The following SGTA variants were observed in gnomAD, a reference collection of about 807,000 sequenced individuals.
SGTA encodes the protein small glutamine-rich tetratricopeptide repeat-containing protein alpha.
Under a neutral mutation model 44.3 loss-of-function variants are expected in SGTA, and 22 were observed. The observed-to-expected ratio is 0.50, with a 90% confidence interval of 0.36 to 0.71. The LOEUF (loss-of-function observed/expected upper bound fraction) is 0.71. Among genes scored for constraint, SGTA ranks in the 30% least tolerant of loss-of-function variants. The pLI is 0.00. For synonymous variants in SGTA, 174 were observed against 177.6 expected, an observed-to-expected ratio of 0.98 and a Z score of 0.16; for missense variants, 341 against 435.9, an observed-to-expected ratio of 0.78 and a Z score of 1.94.
Position 2,767,908 on chromosome 19 carries a change from C to G in SGTA, c.101-222G>C, listed in dbSNP as rs1229250123. Among the ~76,000 whole-genome samples, 1 of 152,176 alleles carries G rather than the reference C, an allele frequency of 6.6e-6. No homozygotes were observed. The highest frequency in any genetic ancestry group is 2.4e-5 in the African/African-American group (1 of 41,430). ...AGACGCCCCGTGCCCCTGAGAGCAG[C>G]AGAGGCCGTGGGCAGAGTGGAGCCC... On this transcript the variant is annotated intron_variant, in intron 2 of 11. Transcript: ENST00000221566. This position sits in a 1 kb window ranked among gnomAD's most constrained non-coding sequence, Gnocchi z 7.3.
Position 2,762,747 on chromosome 19 carries a change from C to T in SGTA, c.498-103G>A, listed in dbSNP as rs79089654. The T allele has an allele frequency of 9.5e-4, 1,298 of 1,372,488 alleles. 10 individuals carry two copies. In the African/African-American group the frequency reaches 0.016, roughly 17 times the overall value. 85.0% of individuals were successfully genotyped at this position (1,372,488 alleles called of 1,614,324 possible). A position where few individuals can be genotyped will look rare whatever the true frequency, so the allele number is the denominator to read the frequency against. On this transcript the variant is annotated intron_variant, in intron 6 of 11. Transcript: ENST00000221566. The stretch of plus-strand genomic sequence containing the variant: ...GGTCCTGGCAACCCCCAAACCACCT[C>T]GGATGGTGCCACCCCCTGCCCGCTG...
rs369595153 is a variant in SGTA, at chr19:2,763,552, T to A, written c.497+101A>T. ...GTTGAACTGAACCGGGGTGGGAGAA[T>A]TCGTTGTGGGTGGGAAAAAAGCCAC... On this transcript the variant is annotated intron_variant, in intron 6 of 11. Coordinates refer to ENST00000221566, the MANE Select transcript of SGTA (RefSeq NM_003021.4). This position sits in a 1 kb window ranked among gnomAD's most constrained non-coding sequence, Gnocchi z 5.8. 8.5e-5 allele frequency: 66 copies of A among 776,204 alleles called. No individual in the cohort carries two copies. In the East Asian group the frequency reaches 1.4e-3, roughly 16 times the overall value. 48.1% of individuals were successfully genotyped at this position (776,204 alleles called of 1,614,324 possible).
chr19:2,781,500 T>G (rs1476683887), intron 1 of SGTA, among the ~76,000 whole-genome samples: 1 of 152,110 alleles, frequency 6.6e-6, no homozygotes, highest in Non-Finnish European at 1.5e-5. Flanking sequence ...CTACAAACCT[T>G]CATTCACAAA....
intron 8 of SGTA, among the ~76,000 whole-genome samples, chr19:2,760,869 G>A (rs1599497488): frequency 1.3e-5 from 2 of 152,340 alleles, no homozygotes; most frequent in East Asian, 3.9e-4. Flanking sequence ...CCCTGAGGCT[G>A]TGGGAGCCTG....
Position 2,767,096 on chromosome 19 carries a change from G to A in SGTA, c.292+40C>T. Reference sequence around the variant, plus strand: ...AGGGTCCCACAGCCCCGGAGTCCAGGTAGGGCGAGGTGTCTGTGGGGATGG... The same window carrying A: ...AGGGTCCCACAGCCCCGGAGTCCAGATAGGGCGAGGTGTCTGTGGGGATGG... On this transcript the variant is annotated intron_variant, in intron 4 of 11. Transcript: ENST00000221566. The surrounding 1 kb of genome is among the most constrained non-coding windows in gnomAD (Gnocchi z 7.3). The A allele has an allele frequency of 6.8e-7, 1 of 1,470,084 alleles. No homozygotes were observed. Among genetic ancestry groups the A allele is most frequent in the Non-Finnish European group, 9.4e-7 (1 of 1,061,446 alleles). The allele number at this position is 1,470,084 out of a possible 1,614,324, so 91.1% of individuals were successfully genotyped here.
At position 2,767,523 on chromosome 19, in the gene SGTA, G is replaced by A. The variant is rs1032098491; in HGVS notation, c.207+57C>T. The A allele has an allele frequency of 1.5e-5, 21 of 1,423,088 alleles. No homozygotes were observed. In the Middle Eastern group the frequency reaches 7.0e-4, roughly 48 times the overall value. The allele number at this position is 1,423,088 out of a possible 1,614,324, so 88.2% of individuals were successfully genotyped here. ...CGGGGCTCCTGGGGTCCCCAGGGCT[G>A]CCTGCTGTTGCTGTTCTTATTTTGG... On this transcript the variant is annotated intron_variant, in intron 3 of 11. Transcript: ENST00000221566. The surrounding 1 kb of genome is among the most constrained non-coding windows in gnomAD (Gnocchi z 7.3).
chr19:2,756,259 G>A lies in SGTA; in HGVS notation c.*7-326C>T, dbSNP rs114598477. Among the ~76,000 whole-genome samples, 783 of 151,870 alleles carry A rather than the reference G, an allele frequency of 5.2e-3. 8 individuals are homozygous for A. The highest frequency in any genetic ancestry group is 0.018 in the African/African-American group (752 of 41,410). The stretch of plus-strand genomic sequence containing the variant: ...TAAAAGCTTATTTAAAAAAAAAAGG[G>A]AAGACTGGAAGAAAAGGCGGCCAAA... On this transcript the variant is annotated intron_variant, in intron 11 of 11. Coordinates refer to ENST00000221566, the MANE Select transcript of SGTA (RefSeq NM_003021.4).
chr19:2,775,102 G>A (rs1915414472), intron 1 of SGTA, among the ~76,000 whole-genome samples: 1 of 152,216 alleles, frequency 6.6e-6, no homozygotes, highest in Non-Finnish European at 1.5e-5. Context: ...GCCTGTGGGT[G>A]CACCAGGCCC....
chr19:2,767,487 G>A lies in SGTA; in HGVS notation c.207+93C>T. 1 of 1,043,548 alleles carries A rather than the reference G, an allele frequency of 9.6e-7. No homozygotes were observed. 64.6% of individuals were successfully genotyped at this position (1,043,548 alleles called of 1,614,324 possible). ...AGAGGATGCAGGCAGAGTGCTGGGG[G>A]ACGATGAGAGCGGGGCTCCTGGGGT... On this transcript the variant is annotated intron_variant, in intron 3 of 11. Coordinates refer to ENST00000221566, the MANE Select transcript of SGTA (RefSeq NM_003021.4). The surrounding 1 kb of genome is among the most constrained non-coding windows in gnomAD (Gnocchi z 7.3).
rs1271094881 is a variant in SGTA at position 2,767,551 on chromosome 19, G to A, written c.207+29C>T. The A allele has an allele frequency of 2.6e-6, 4 of 1,562,862 alleles. No individual in the cohort carries two copies. Among genetic ancestry groups the A allele is most frequent in the African/African-American group, 1.4e-5 (1 of 73,942 alleles). ...TGCTGTTGCTGTTCTTATTTTGGGG[G>A]CAGTGGCTGGGGAAGCATCGAGGCT... On this transcript the variant is annotated intron_variant, in intron 3 of 11. Coordinates refer to ENST00000221566, the MANE Select transcript of SGTA (RefSeq NM_003021.4). This position sits in a 1 kb window ranked among gnomAD's most constrained non-coding sequence, Gnocchi z 7.3.
At position 2,763,676 on chromosome 19, in the gene SGTA, G is replaced by A. The variant is rs1489387865; in HGVS notation, c.474C>T (p.Tyr158=). 1.9e-6 allele frequency: 3 copies of A among 1,613,460 alleles called. No homozygotes were observed. The highest frequency in any genetic ancestry group is 1.7e-6 in the Non-Finnish European group (2 of 1,179,748). The part of the protein sequence containing the change: ...CERAICIDPA[Y]SKAYGRMGLA... The stretch of plus-strand genomic sequence containing the variant: ...ACCCCATCCTGCCGTAGGCCTTGCT[G>A]TAGGCCGGGTCAATGCAGATGGCCC... Residue 158 remains tyrosine (Y), a synonymous_variant, in exon 6 of 12, where the codon TAC becomes TAT. Coordinates refer to ENST00000221566, the MANE Select transcript of SGTA (RefSeq NM_003021.4). The surrounding 1 kb of genome is among the most constrained non-coding windows in gnomAD (Gnocchi z 5.8).
chr19:2,776,238 T>C (rs1009325850), intron 1 of SGTA, among the ~76,000 whole-genome samples: 14 of 152,232 alleles, frequency 9.2e-5, no homozygotes, highest in African/African-American at 2.7e-4. Context: ...ACGGAGTTTC[T>C]TTTGTTTTAT....
In SGTA at chr19:2,762,549, T is replaced by C; in HGVS notation, c.593A>G (p.Asn198Ser). The C allele has an allele frequency of 6.2e-7, 1 of 1,614,082 alleles. No individual in the cohort carries two copies. The highest frequency in any genetic ancestry group is 8.5e-7 in the Non-Finnish European group (1 of 1,179,988). The change falls in exon 7 of 12, where the codon AAC (asparagine) becomes AGC (serine). Residue 198 changes from asparagine to serine, a missense_variant. Asn to Ser is a conservative substitution (Grantham distance 46). Transcript: ENST00000221566. Reference sequence around the variant, plus strand: ...CAGCTTCAGCTCCGCTATCTTGAGGTTGGACTTGTATGTCTCGTTGTCGGG... The same window carrying C: ...CAGCTTCAGCTCCGCTATCTTGAGGCTGGACTTGTATGTCTCGTTGTCGGG... ...LDPDNETYKS[N>S]LKIAELKLRE...
In SGTA at chr19:2,757,367, G is replaced by T. The variant is rs2144717672; in HGVS notation, c.918C>A (p.Ala306=). The T allele has an allele frequency of 1.2e-6, 2 of 1,604,828 alleles. No homozygotes were observed. The highest frequency in any genetic ancestry group is 1.1e-5 in the South Asian group (1 of 91,086). ...GTCACTCCTGCTGGTCGTCGTTGCT[G>T]GCGCTGGGCGTCCGACTCCGGATCT... ...RSQIRSRTPS[A]SNDDQQE Residue 306 remains alanine (A), a synonymous_variant, in exon 11 of 12, where the codon GCC becomes GCA. Transcript: ENST00000221566.
intron 1 of SGTA, among the ~76,000 whole-genome samples, chr19:2,772,806 A>G (rs10414635): frequency 0.34 from 34,536 of 102,224 alleles, 4,540 homozygotes; most frequent in East Asian, 0.58. Flanking sequence ...GAGGGCAGAG[A>G]TGGGTGACGC....
chr19:2,768,863 C>T (rs1915221187), intron 2 of SGTA, 106 bp downstream of exon 2: 1 of 844,668 alleles, frequency 1.2e-6, no homozygotes, highest in Non-Finnish European at 1.9e-6. Context: ...CTTCCACCCC[C>T]AAAAAGCCAG....
In SGTA at chr19:2,763,714, G is replaced by C. The variant is rs777754747; in HGVS notation, c.436C>G (p.Gln146Glu). Residue 146 changes from glutamine (Q) to glutamate (E), a missense_variant, in exon 6 of 12, where the codon CAG becomes GAG. Physicochemically the swap from Gln to Glu is conservative, Grantham distance 29. Transcript: ENST00000221566. The surrounding 1 kb of genome is among the most constrained non-coding windows in gnomAD (Gnocchi z 5.8). The part of the protein sequence containing the change: ...SKLGNYAGAV[Q>E]DCERAICIDP... ...ATGCAGATGGCCCGCTCACAGTCCT[G>C]CACCGCGCCTGCGTAGTTGCCGAGT... 3.7e-6 allele frequency: 6 copies of C among 1,613,840 alleles called. No homozygotes were observed. In the Admixed American group the frequency reaches 1.0e-4, roughly 27 times the overall value.
chr19:2,768,596 G>A (rs1271836304), intron 2 of SGTA, among the ~76,000 whole-genome samples: 2 of 152,226 alleles, frequency 1.3e-5, no homozygotes, highest in African/African-American at 4.8e-5. Context: ...TGGGACTCTG[G>A]GGCGGGGCCA....
chr19:2,757,247 C>T (rs775187166), intron 11 of SGTA, 90 bp downstream of exon 11: 30 of 1,465,318 alleles, frequency 2.0e-5, no homozygotes, highest in South Asian at 3.9e-5. Flanking sequence ...AGCCCCCGGG[C>T]GTCACTCCTG....
Sources: gnomAD v4.1 joint callset for allele counts (sites outside exome capture counted in the v4.1 genomes callset) on GRCh38, gnomAD v4.1.1 for gene constraint, Gnocchi (gnomAD v3.1) non-coding constraint, MANE v1.5 for transcripts, NCBI Gene and HGNC (gene_info 2026-07-23, HGNC 2026-07-21) for gene names.